The following GALNTL6 variants were observed in gnomAD, a reference collection of about 807,000 sequenced individuals.
GALNTL6 encodes the protein polypeptide N-acetylgalactosaminyltransferase like 6.
Under a neutral mutation model 73.7 loss-of-function variants are expected in GALNTL6, and 46 were observed. That is an observed-to-expected ratio of 0.62 (90% CI 0.49 to 0.80). The LOEUF is 0.80. Ranked by LOEUF, GALNTL6 falls within the 30% of genes least tolerant of loss-of-function variation. GALNTL6 has a pLI of 0.00. For missense variants in GALNTL6, 604 were observed against 755.0 expected (o/e 0.80, Z 2.34); for synonymous variants, 259 against 263.7 (o/e 0.98, Z 0.17).
At chr4:172,445,229 A>G (rs557059491) in intron 5 of GALNTL6, among the ~76,000 whole-genome samples, 15 of 152,286 alleles carry the variant, frequency 9.8e-5, no homozygotes, top group African/African-American at 3.6e-4. Flanking sequence ...TCTTGCATTT[A>G]TGATAACGCT....
chr4:172,260,195 A>G (rs961122242), intron 3 of GALNTL6, among the ~76,000 whole-genome samples: 2 of 151,718 alleles, frequency 1.3e-5, no homozygotes, highest in Non-Finnish European at 1.5e-5. Flanking sequence ...CAGTATGGTC[A>G]TTTTCACAAT....
chr4:172,046,560 A>T (rs1433990655), intron 2 of GALNTL6, among the ~76,000 whole-genome samples: 2 of 152,164 alleles, frequency 1.3e-5, no homozygotes, highest in Non-Finnish European at 2.9e-5. Flanking sequence ...TATAAAACCC[A>T]GTCTGACAGG....
At chr4:172,818,072 A>C (rs1236356746) in intron 7 of GALNTL6, among the ~76,000 whole-genome samples, 1 of 152,186 alleles carries the variant, frequency 6.6e-6, no homozygotes, top group Non-Finnish European at 1.5e-5. Context: ...GGTCTACTAG[A>C]ATCTTGTAAA....
chr4:172,433,491 A>G (rs1358840283), intron 5 of GALNTL6, among the ~76,000 whole-genome samples: 3 of 109,290 alleles, frequency 2.7e-5, no homozygotes, highest in Non-Finnish European at 3.8e-5. Context: ...TCAAAGGACC[A>G]GAGATTTGCG....
intron 5 of GALNTL6, among the ~76,000 whole-genome samples, chr4:172,455,618 G>A (rs552149214): frequency 1.3e-5 from 2 of 152,118 alleles, no homozygotes; most frequent in Admixed American, 6.5e-5. Context: ...GGAGCCCACC[G>A]CGTCTCGGCA....
At chr4:172,147,622 A>G (rs1733960696) in intron 2 of GALNTL6, among the ~76,000 whole-genome samples, 1 of 152,230 alleles carries the variant, frequency 6.6e-6, no homozygotes, top group Admixed American at 6.5e-5. Flanking sequence ...TAGAAAAGTT[A>G]TACTACACAA....
intron 2 of GALNTL6, among the ~76,000 whole-genome samples, chr4:172,052,894 A>G (rs180788255): frequency 1.2e-3 from 180 of 152,296 alleles, no homozygotes; most frequent in African/African-American, 4.1e-3. Flanking sequence ...CTTAAAAAAC[A>G]AAAAACAAAA....
intron 5 of GALNTL6, among the ~76,000 whole-genome samples, chr4:172,720,649 A>C (rs1308844153): frequency 2.0e-5 from 3 of 152,228 alleles, no homozygotes; most frequent in Admixed American, 2.0e-4. Context: ...ATAAACAAAA[A>C]ATTAAAAGGC....
In GALNTL6 at chr4:172,543,511, A is replaced by T. The variant is rs112531751; in HGVS notation, c.553+194822A>T. ...CTGGCTCCCAGGCCCTTGATAAGTCATTCCTGAGTTTTAAAGCTTCCTGGG... is the reference window on the plus strand; with the variant it reads ...CTGGCTCCCAGGCCCTTGATAAGTCTTTCCTGAGTTTTAAAGCTTCCTGGG... On this transcript the variant is annotated intron_variant, in intron 5 of 12. Coordinates refer to ENST00000506823, the MANE Select transcript of GALNTL6 (RefSeq NM_001034845.3). Among the ~76,000 whole-genome samples, 1,262 of 152,332 alleles carry T rather than the reference A, an allele frequency of 8.3e-3. 18 individuals are homozygous for T. Among genetic ancestry groups the T allele is most frequent in the African/African-American group, 0.027 (1,138 of 41,586 alleles).
At chr4:172,978,626 G>A (rs1405452886) in intron 10 of GALNTL6, among the ~76,000 whole-genome samples, 1 of 152,164 alleles carries the variant, frequency 6.6e-6, no homozygotes, top group African/African-American at 2.4e-5. Flanking sequence ...TGCGTAAAAT[G>A]AGCAAATAAA....
intron 5 of GALNTL6, among the ~76,000 whole-genome samples, chr4:172,641,096 C>T (rs1157985322): frequency 2.0e-5 from 3 of 152,004 alleles, no homozygotes; most frequent in Non-Finnish European, 1.5e-5. Context: ...ACTCTACCTG[C>T]AAAATATATT....
chr4:173,040,717 T>C lies in GALNTL6; in HGVS notation c.*617T>C, dbSNP rs1753864976. Reference sequence around the variant, plus strand: ...ACATAATGAAATGGACATCCAGTGTTCCCATTCTTTCGTTTATATTTGCCA... The same window carrying C: ...ACATAATGAAATGGACATCCAGTGTCCCCATTCTTTCGTTTATATTTGCCA... On this transcript the variant is annotated 3_prime_UTR_variant, in exon 13 of 13. Coordinates refer to ENST00000506823, the MANE Select transcript of GALNTL6 (RefSeq NM_001034845.3). 6.6e-6 allele frequency: 1 copy of C among 152,628 alleles called. No individual in the cohort carries two copies. The highest frequency in any genetic ancestry group is 6.5e-5 in the Admixed American group (1 of 15,280). The allele number at this position is 152,628 out of a possible 1,614,324, so 9.5% of individuals were successfully genotyped here.
intron 2 of GALNTL6, among the ~76,000 whole-genome samples, chr4:172,112,328 G>A (rs565629771): frequency 7.2e-5 from 11 of 151,990 alleles, no homozygotes; most frequent in Non-Finnish European, 1.5e-4. Context: ...TTCAATTTTG[G>A]CAATTACGAA....
intron 2 of GALNTL6, among the ~76,000 whole-genome samples, chr4:172,024,990 TC>T (rs1256802728): frequency 6.6e-6 from 1 of 151,926 alleles, no homozygotes; most frequent in African/African-American, 2.4e-5. Flanking sequence ...GATAAATCTT[TC>T]CAATAAATGT....
At chr4:172,917,111 G>A (rs1747562452) in intron 8 of GALNTL6, among the ~76,000 whole-genome samples, 1 of 152,150 alleles carries the variant, frequency 6.6e-6, no homozygotes, top group African/African-American at 2.4e-5. Context: ...ACAACCATCT[G>A]ATCTTTGACA....
At chr4:172,020,964 T>A (rs575912403) in intron 2 of GALNTL6, among the ~76,000 whole-genome samples, 86 of 152,194 alleles carry the variant, frequency 5.7e-4, no homozygotes, top group African/African-American at 2.0e-3. Context: ...CATGACCATG[T>A]GGAATTTATC....
At chr4:172,397,566 T>C (rs983492033) in intron 5 of GALNTL6, among the ~76,000 whole-genome samples, 2 of 150,388 alleles carry the variant, frequency 1.3e-5, no homozygotes, top group African/African-American at 2.4e-5. Context: ...CATTTATTTA[T>C]TTATTTATTT....
At chr4:171,874,259 G>T (rs186674342) in intron 2 of GALNTL6, among the ~76,000 whole-genome samples, 3 of 152,168 alleles carry the variant, frequency 2.0e-5, no homozygotes, top group Admixed American at 2.0e-4. Flanking sequence ...CTGGAGGGCA[G>T]TGGTGCAATC....
chr4:172,502,373 A>G (rs1734291045), intron 5 of GALNTL6, among the ~76,000 whole-genome samples: 1 of 152,182 alleles, frequency 6.6e-6, no homozygotes, highest in African/African-American at 2.4e-5. Flanking sequence ...CTATCTCTTT[A>G]CTATTTGAAT....
Sources: gnomAD v4.1 joint callset for allele counts (sites outside exome capture counted in the v4.1 genomes callset) on GRCh38, gnomAD v4.1.1 for gene constraint, MANE v1.5 for transcripts, NCBI Gene and HGNC (gene_info 2026-07-23, HGNC 2026-07-21) for gene names.